CPXM2: variants seen among roughly 807,000 people sequenced by gnomAD.
CPXM2 encodes the protein carboxypeptidase X, M14 family member 2, also known as inactive carboxypeptidase-like protein X2.
Under a neutral mutation model 86.1 loss-of-function variants are expected in CPXM2, and 66 were observed. The ratio of observed to expected loss-of-function variants is 0.77; its 90% CI spans 0.63 to 0.94. CPXM2 has a LOEUF of 0.94. Among genes scored for constraint, CPXM2 ranks in the 40% least tolerant of loss-of-function variants. CPXM2 has a pLI of 0.00. For missense variants in CPXM2, 948 were observed against 1,026.3 expected (o/e 0.92, Z 1.04); for synonymous variants, 388 against 400.2 (o/e 0.97, Z 0.36).
At chr10:123,806,732 G>A (rs1017858097) in intron 4 of CPXM2, among the ~76,000 whole-genome samples, 2 of 152,194 alleles carry the variant, frequency 1.3e-5, no homozygotes, top group East Asian at 1.9e-4. Flanking sequence ...CACATCTTAC[G>A]TGGCGGCAGG....
At chr10:123,830,839 T>C (rs1848149939) in intron 4 of CPXM2, among the ~76,000 whole-genome samples, 1 of 151,694 alleles carries the variant, frequency 6.6e-6, no homozygotes, top group Non-Finnish European at 1.5e-5. Flanking sequence ...ACTTGAAACA[T>C]GAGTATGCAC....
At chr10:123,793,720 C>T (rs1024474509) in intron 6 of CPXM2, among the ~76,000 whole-genome samples, 2 of 152,152 alleles carry the variant, frequency 1.3e-5, no homozygotes, top group African/African-American at 4.8e-5. Flanking sequence ...CCAATGGCTG[C>T]TTGATGCCCT....
intron 2 of CPXM2, among the ~76,000 whole-genome samples, chr10:123,869,609 A>G (rs1455042939): frequency 6.6e-6 from 1 of 152,212 alleles, no homozygotes; most frequent in East Asian, 1.9e-4. Context: ...GCAGGGCGCC[A>G]TCTCCCAGCC....
intron 4 of CPXM2, among the ~76,000 whole-genome samples, chr10:123,825,289 C>A (rs1466943549): frequency 6.6e-6 from 1 of 152,126 alleles, no homozygotes; most frequent in Admixed American, 6.6e-5. Context: ...AGGCCAAAGT[C>A]ATCTTGGGTC....
intron 3 of CPXM2, among the ~76,000 whole-genome samples, chr10:123,854,371 T>TA: frequency 1.2e-5 from 1 of 83,454 alleles, no homozygotes. Flanking sequence ...AATATATATA[T>TA]ATAATATATA....
intron 13 of CPXM2, among the ~76,000 whole-genome samples, chr10:123,748,450 C>A (rs772285671): frequency 4.4e-4 from 67 of 152,168 alleles, no homozygotes; most frequent in Non-Finnish European, 7.9e-4. Flanking sequence ...ATGTTGAAAT[C>A]ATGCACATTC....
intron 7 of CPXM2, among the ~76,000 whole-genome samples, chr10:123,778,132 C>T (rs902162394): frequency 6.6e-6 from 1 of 152,202 alleles, no homozygotes; most frequent in African/African-American, 2.4e-5. Flanking sequence ...AAAAAGTCCC[C>T]TCATTATCTT....
intron 4 of CPXM2, among the ~76,000 whole-genome samples, chr10:123,818,050 G>T (rs1015565321): frequency 6.6e-6 from 1 of 152,212 alleles, no homozygotes; most frequent in Non-Finnish European, 1.5e-5. Context: ...TTGGTGAAGA[G>T]AGGAAGAAAT....
chr10:123,891,813 G>T, upstream of CPXM2: 1 of 293,388 alleles, frequency 3.4e-6, no homozygotes, highest in Non-Finnish European at 5.3e-6. This position sits in a 1 kb window ranked among gnomAD's most constrained non-coding sequence, Gnocchi z 5.6. Context: ...CGTGTGACCG[G>T]CCCGCGGGGC....
At chr10:123,798,238 G>T in intron 5 of CPXM2, 112 bp from the exon 6 acceptor site, 2 of 816,894 alleles carry the variant, frequency 2.4e-6, no homozygotes, top group Non-Finnish European at 3.5e-6. Context: ...CCTAATGTGT[G>T]CTGTGCATTG....
At chr10:123,854,693 C>T (rs957901976) in intron 3 of CPXM2, among the ~76,000 whole-genome samples, 9 of 151,278 alleles carry the variant, frequency 5.9e-5, no homozygotes, top group African/African-American at 2.2e-4. Context: ...CATAACTGCA[C>T]TGTGCCTTCT....
At chr10:123,879,207 C>A (rs1411437008) in intron 2 of CPXM2, among the ~76,000 whole-genome samples, 1 of 152,176 alleles carries the variant, frequency 6.6e-6, no homozygotes, top group Non-Finnish European at 1.5e-5. Flanking sequence ...AACACTGCCC[C>A]AAATCATTAC....
chr10:123,787,369 G>A (rs932405755), intron 6 of CPXM2, among the ~76,000 whole-genome samples: 1 of 152,014 alleles, frequency 6.6e-6, no homozygotes, highest in Admixed American at 6.5e-5. Context: ...CAAACCAAGT[G>A]CCTGCTCACT....
intron 11 of CPXM2, among the ~76,000 whole-genome samples, chr10:123,759,232 G>A (rs986184186): frequency 6.6e-6 from 1 of 152,220 alleles, no homozygotes; most frequent in Non-Finnish European, 1.5e-5. Context: ...GACAGTGCAA[G>A]AAGGCCAGGG....
chr10:123,844,550 T>A (rs748454304), intron 3 of CPXM2, among the ~76,000 whole-genome samples: 4 of 152,178 alleles, frequency 2.6e-5, no homozygotes, highest in Non-Finnish European at 4.4e-5. Context: ...TGATACTGTC[T>A]AAGGTCAATC....
intron 4 of CPXM2, among the ~76,000 whole-genome samples, chr10:123,811,431 G>C (rs1374784080): frequency 6.6e-6 from 1 of 152,096 alleles, no homozygotes; most frequent in Non-Finnish European, 1.5e-5. Flanking sequence ...AGTTTGCAGA[G>C]AATGATGCTG....
intron 13 of CPXM2, chr10:123,750,541 T>A: frequency 1.0e-6 from 1 of 985,076 alleles, no homozygotes; most frequent in Non-Finnish European, 1.2e-6. Flanking sequence ...ATCACTTAAT[T>A]TATTTTTTTC....
At chr10:123,755,529 G>A (rs78156002) in intron 12 of CPXM2, among the ~76,000 whole-genome samples, 1,678 of 152,280 alleles carry the variant, frequency 0.011, 24 homozygotes, top group African/African-American at 0.038. Flanking sequence ...ATCTGAGACG[G>A]TTCACAGAAA....
chr10:123,902,903 G>A lies in CPXM2; in HGVS notation n.175-22594C>T, dbSNP rs572923548. 2.0e-5 allele frequency among the ~76,000 whole-genome samples: 3 copies of A among 152,302 alleles called. No homozygotes were observed. In the South Asian group the frequency reaches 6.2e-4, roughly 32 times the overall value. ...GTAAAGCACATGCTCATTACTGCCT[G>A]GAGAACAAAGGCCACCTCCCCACCG... is the stretch of plus-strand genomic sequence containing the variant. On this transcript the variant is annotated intron_variant and non_coding_transcript_variant, in intron 2 of 19. Coordinates refer to the CPXM2 transcript ENST00000368854.
Sources: gnomAD v4.1 joint callset for allele counts (sites outside exome capture counted in the v4.1 genomes callset) on GRCh38, gnomAD v4.1.1 for gene constraint, Gnocchi (gnomAD v3.1) non-coding constraint, MANE v1.5 for transcripts, NCBI Gene and HGNC (gene_info 2026-07-23, HGNC 2026-07-21) for gene names.